Variants in P2RY14 observed in about 807,000 individuals in gnomAD.
The protein encoded by P2RY14 is P2Y purinoceptor 14.
P2RY14 carries 2 observed loss-of-function variants against 0.9 expected under a neutral mutation model. The observed-to-expected ratio is 2.16, with a 90% CI of 0.88 to 6.79. The LOEUF is 6.79. P2RY14 is among the 30% of genes most tolerant of loss of function. The pLI is 0.05. For missense variants in P2RY14, 378 were observed against 400.1 expected (o/e 0.94, Z 0.47); for synonymous variants, 158 against 147.2 (o/e 1.07, Z -0.53).
chr3:151,240,895 C>T (rs1733940112), intron 1 of P2RY14, among the ~76,000 whole-genome samples: 2 of 152,176 alleles, frequency 1.3e-5, no homozygotes, highest in African/African-American at 4.8e-5. Flanking sequence ...CATGCTTGGT[C>T]TTGATTAGCT....
At chr3:151,270,825 C>G (rs1015918813) in intron 1 of P2RY14, among the ~76,000 whole-genome samples, 1 of 152,102 alleles carries the variant, frequency 6.6e-6, no homozygotes, top group Non-Finnish European at 1.5e-5. Context: ...CCCTGCCACT[C>G]GATGGGACAA....
At chr3:151,255,779 C>T (rs150567322) in intron 1 of P2RY14, among the ~76,000 whole-genome samples, 18 of 152,288 alleles carry the variant, frequency 1.2e-4, no homozygotes, top group African/African-American at 4.3e-4. Flanking sequence ...TGCTACATAA[C>T]GTGGCATATG....
intron 1 of P2RY14, among the ~76,000 whole-genome samples, chr3:151,241,156 G>T (rs767677183): frequency 6.6e-6 from 1 of 152,126 alleles, no homozygotes; most frequent in Non-Finnish European, 1.5e-5. Context: ...TATCATTAGT[G>T]GTTTTCTCCT....
Position 151,213,449 on chromosome 3 carries a change from A to G in P2RY14, c.868T>C (p.Leu290=). Residue 290 remains leucine (L), a synonymous_variant, in exon 3 of 3, where the codon TTG becomes CTG. Transcript: ENST00000309170. ...TLLLSAANVC[L]DPIIYFFLCQ... ...AGAAAGAAATAAATAATAGGGTCCA[A>G]GCATACATTTGCAGCAGATAGTAGC... is the stretch of plus-strand genomic sequence containing the variant. The G allele has an allele frequency of 1.2e-6, 2 of 1,614,212 alleles. No homozygotes were observed. Among genetic ancestry groups the G allele is most frequent in the Non-Finnish European group, 1.7e-6 (2 of 1,180,018 alleles).
intron 1 of P2RY14, among the ~76,000 whole-genome samples, chr3:151,235,458 C>T (rs1389705703): frequency 6.6e-6 from 1 of 152,154 alleles, no homozygotes; most frequent in African/African-American, 2.4e-5. Context: ...GTAATCTCAA[C>T]ACTTTGGGAG....
chr3:151,240,746 G>T (rs913692051), intron 1 of P2RY14, among the ~76,000 whole-genome samples: 1 of 152,180 alleles, frequency 6.6e-6, no homozygotes, highest in Non-Finnish European at 1.5e-5. Flanking sequence ...GACCAGTTTT[G>T]TGCACTCTTG....
intron 1 of P2RY14, chr3:151,249,039 A>G (rs1302668895): frequency 6.6e-6 from 1 of 152,212 alleles, no homozygotes; most frequent in African/African-American, 2.4e-5. Flanking sequence ...TGAAATATTG[A>G]CATCTCGCCA....
rs538916155 is a variant in P2RY14 at position 151,275,026 on chromosome 3, C to T, written c.-133+3261G>A. On this transcript the variant is annotated intron_variant, in intron 1 of 2. Transcript: ENST00000309170. ...CCTACCAACCTTTGACCTTAGGGCT[C>T]GACTCACTGGGAAGATCACATCAGC... 2.6e-5 allele frequency among the ~76,000 whole-genome samples: 4 copies of T among 152,238 alleles called. No homozygotes were observed. In the South Asian group the frequency reaches 6.2e-4, roughly 24 times the overall value.
At chr3:151,271,370 G>A (rs1338355861) in intron 1 of P2RY14, among the ~76,000 whole-genome samples, 1 of 152,176 alleles carries the variant, frequency 6.6e-6, no homozygotes, top group East Asian at 1.9e-4. Flanking sequence ...AATTGACGAG[G>A]AAATAGAATA....
chr3:151,235,065 T>C (rs747014973), intron 1 of P2RY14, among the ~76,000 whole-genome samples: 2 of 152,234 alleles, frequency 1.3e-5, no homozygotes, highest in Non-Finnish European at 2.9e-5. Flanking sequence ...AGCAGACACT[T>C]AGTGCCTTTG....
At chr3:151,247,279 T>G (rs1383032327) in intron 1 of P2RY14, among the ~76,000 whole-genome samples, 3 of 152,036 alleles carry the variant, frequency 2.0e-5, no homozygotes, top group Non-Finnish European at 4.4e-5. Context: ...ACCCAAAGGA[T>G]TATAAATCAT....
intron 1 of P2RY14, among the ~76,000 whole-genome samples, chr3:151,270,304 A>G (rs576628437): frequency 6.7e-6 from 1 of 149,364 alleles, no homozygotes; most frequent in South Asian, 2.1e-4. Context: ...ACAGCTCTCA[A>G]CTTATTTGGG....
At chr3:151,269,605 C>G (rs375589636) in intron 1 of P2RY14, 3 of 345,578 alleles carry the variant, frequency 8.7e-6, no homozygotes, top group African/African-American at 4.4e-5. Flanking sequence ...GTCTACATTA[C>G]TTGGGGAGGA....
At chr3:151,264,387 A>G (rs1312974833) in intron 1 of P2RY14, among the ~76,000 whole-genome samples, 2 of 152,216 alleles carry the variant, frequency 1.3e-5, no homozygotes, top group African/African-American at 4.8e-5. Flanking sequence ...CGAGGGCAGT[A>G]GGAGTGTATT....
chr3:151,246,462 C>T (rs979178085), intron 1 of P2RY14, among the ~76,000 whole-genome samples: 38 of 152,008 alleles, frequency 2.5e-4, no homozygotes, highest in African/African-American at 3.1e-4. Flanking sequence ...TCAGAAATAA[C>T]GCCGCATATC....
intron 1 of P2RY14, among the ~76,000 whole-genome samples, chr3:151,262,388 A>G (rs1275889426): frequency 2.0e-5 from 3 of 152,222 alleles, no homozygotes; most frequent in Non-Finnish European, 4.4e-5. Context: ...ACACTGAGAT[A>G]TCTCCAGACA....
chr3:151,253,343 C>T (rs533743344), intron 1 of P2RY14, among the ~76,000 whole-genome samples: 3 of 152,346 alleles, frequency 2.0e-5, no homozygotes, highest in East Asian at 3.9e-4. Context: ...GCTCTTACCC[C>T]TCACTCCAGT....
At chr3:151,275,083 T>G (rs1741621725) in intron 1 of P2RY14, among the ~76,000 whole-genome samples, 1 of 152,122 alleles carries the variant, frequency 6.6e-6, no homozygotes, top group African/African-American at 2.4e-5. Flanking sequence ...CAGGTGTCTC[T>G]CCCACTATAG....
chr3:151,261,122 C>A (rs1160045409), intron 1 of P2RY14, among the ~76,000 whole-genome samples: 1 of 151,932 alleles, frequency 6.6e-6, no homozygotes, highest in Non-Finnish European at 1.5e-5. Flanking sequence ...GCATTTAATT[C>A]TGAAATAAGA....
Sources: allele counts gnomAD v4.1 joint callset (sites outside exome capture counted in the v4.1 genomes callset), GRCh38; gene constraint gnomAD v4.1.1; transcripts MANE v1.5; gene names NCBI Gene and HGNC (gene_info 2026-07-23, HGNC 2026-07-21).